The following HIF1AN variants were observed in gnomAD, a reference collection of about 807,000 sequenced individuals.
HIF1AN encodes the protein hypoxia inducible factor 1 subunit alpha inhibitor.
Under a neutral mutation model 47.7 loss-of-function variants are expected in HIF1AN, and 21 were observed. The observed-to-expected ratio is 0.44, with a 90% CI of 0.31 to 0.63. The LOEUF (loss-of-function observed/expected upper bound fraction) is 0.63. Among genes scored for constraint, HIF1AN ranks in the 30% least tolerant of loss-of-function variants. The pLI is 0.07. For synonymous variants in HIF1AN, 152 were observed against 155.9 expected, an observed-to-expected ratio of 0.98 and a Z score of 0.18; for missense variants, 320 against 432.7, an observed-to-expected ratio of 0.74 and a Z score of 2.31.
At position 100,545,110 on chromosome 10, in the gene HIF1AN, G is replaced by A; in HGVS notation, c.723+14G>A. On this transcript the variant is annotated intron_variant, in intron 4 of 7. Transcript: ENST00000299163. The stretch of plus-strand genomic sequence containing the variant: ...AGACAGAGCCAGGTGAGCTTGTGTG[G>A]TCTGAGAAGGGTATAGAACTCTAGA... 3.7e-6 allele frequency: 6 copies of A among 1,613,780 alleles called. No homozygotes were observed. The highest frequency in any genetic ancestry group is 5.1e-6 in the Non-Finnish European group (6 of 1,179,722).
Position 100,536,392 on chromosome 10 carries a change from A to C in HIF1AN, c.178-19A>C, listed in dbSNP as rs768874527. On this transcript the variant is annotated intron_variant, in intron 1 of 7. Transcript: ENST00000299163. Reference sequence around the variant, plus strand: ...GGCATTACTTCATTTGGTGTTTTTCACCTGTTGTTTTCATTTAGGAGCCTG... The same window carrying C: ...GGCATTACTTCATTTGGTGTTTTTCCCCTGTTGTTTTCATTTAGGAGCCTG... The C allele has an allele frequency of 5.6e-6, 9 of 1,611,056 alleles. No individual in the cohort carries two copies. In the East Asian group the frequency reaches 1.6e-4, roughly 28 times the overall value.
In HIF1AN at chr10:100,545,835, T is replaced by G. The variant is rs11817143; in HGVS notation, c.724-108T>G. 2,281 of 631,286 alleles carry G rather than the reference T, an allele frequency of 3.6e-3. 42 individuals are homozygous for G. The African/African-American group carries it at 0.038, about 10-fold the overall frequency. The allele number at this position is 631,286 out of a possible 1,614,324, so 39.1% of individuals were successfully genotyped here. The stretch of plus-strand genomic sequence containing the variant: ...TCCAAATACTTTTTTTAAGGCATCG[T>G]TTTTTTTTTGTTTGTTTGTTTGTTT... On this transcript the variant is annotated intron_variant, in intron 4 of 7. Coordinates refer to ENST00000299163, the MANE Select transcript of HIF1AN (RefSeq NM_017902.3).
chr10:100,541,481 G>A (rs1843028667), intron 3 of HIF1AN, among the ~76,000 whole-genome samples: 1 of 151,986 alleles, frequency 6.6e-6, no homozygotes, highest in Non-Finnish European at 1.5e-5. Context: ...AATGTATGTC[G>A]AGTCTGTTTT....
chr10:100,539,285 C>A (rs952400057), intron 2 of HIF1AN, among the ~76,000 whole-genome samples: 1 of 151,836 alleles, frequency 6.6e-6, no homozygotes, highest in African/African-American at 2.4e-5. Flanking sequence ...ATGCTTCTGT[C>A]TTTTTTTTAG....
At position 100,540,976 on chromosome 10, in the gene HIF1AN, A is replaced by C. The variant is rs548967499; in HGVS notation, c.577+194A>C. Among the ~76,000 whole-genome samples, 55 of 152,336 alleles carry C rather than the reference A, an allele frequency of 3.6e-4. 2 individuals carry two copies. The South Asian group carries it at 0.011, about 32-fold the overall frequency. Reference sequence around the variant, plus strand: ...ACGCCTGTAATCCCAGCAGTTTGGGAGGCCAAGGTGGGTGGATGATGAGGT... The same window carrying C: ...ACGCCTGTAATCCCAGCAGTTTGGGCGGCCAAGGTGGGTGGATGATGAGGT... On this transcript the variant is annotated intron_variant, in intron 3 of 7. Coordinates refer to ENST00000299163, the MANE Select transcript of HIF1AN (RefSeq NM_017902.3).
Position 100,558,440 on chromosome 10 carries a change from AAAAC to A in HIF1AN, c.*10309_*10312del, listed in dbSNP as rs1388731708. Reference sequence around the variant, plus strand: ...GCATAGTGACACCCCATCTCTTGAAAAAACAAACACTCTTAAGAGCAGTGGTTCA... The same window carrying A: ...GCATAGTGACACCCCATCTCTTGAAAAAACACTCTTAAGAGCAGTGGTTCA... On this transcript the variant is annotated 3_prime_UTR_variant, in exon 8 of 8. Transcript: ENST00000299163. 2 of 152,326 alleles carry A rather than the reference AAAAC, an allele frequency of 1.3e-5. No homozygotes were observed. The highest frequency in any genetic ancestry group is 6.5e-5 in the Admixed American group (1 of 15,306). The allele number at this position is 152,326 out of a possible 1,614,324, so 9.4% of individuals were successfully genotyped here. A position where few individuals can be genotyped will look rare whatever the true frequency, so the allele number is the denominator to read the frequency against.
At chr10:100,548,007 G>A in intron 7 of HIF1AN, 86 bp from the exon 8 acceptor site, 1 of 1,215,914 alleles carries the variant, frequency 8.2e-7, no homozygotes. Context: ...TCCTTGGCTG[G>A]ACATCTGATG....
chr10:100,546,719 A>G, intron 6 of HIF1AN, 138 bp downstream of exon 6: 3 of 706,184 alleles, frequency 4.2e-6, no homozygotes, highest in Non-Finnish European at 7.4e-6. Flanking sequence ...TGAAAGGGAC[A>G]GGATTGAATT....
rs1843119917 is a variant in HIF1AN at position 100,548,642 on chromosome 10, C to G, written c.*505C>G. 1 of 154,030 alleles carries G rather than the reference C, an allele frequency of 6.5e-6. No individual in the cohort carries two copies. The highest frequency in any genetic ancestry group is 1.4e-5 in the Non-Finnish European group (1 of 69,008). 9.5% of individuals were successfully genotyped at this position (154,030 alleles called of 1,614,324 possible). A position where few individuals can be genotyped will look rare whatever the true frequency, so the allele number is the denominator to read the frequency against. ...GGCTGCAGGGCCAGAGCTAGTCTGA[C>G]CATTAGGTCAGTCTGCCTCCTGACA... is the stretch of plus-strand genomic sequence containing the variant. On this transcript the variant is annotated 3_prime_UTR_variant, in exon 8 of 8. Transcript: ENST00000299163.
intron 5 of HIF1AN, 35 bp from the exon 6 acceptor site, chr10:100,546,483 C>T: frequency 1.9e-6 from 2 of 1,031,100 alleles, no homozygotes; most frequent in Non-Finnish European, 1.4e-6. Flanking sequence ...CCAAAAGTAT[C>T]AGTAGTAAAC....
In HIF1AN at chr10:100,545,064, C is replaced by T; in HGVS notation, c.691C>T (p.Pro231Ser). ...TCAGTTCGAGTGCCTCTACCCATAC[C>T]CTGTTCATCACCCATGTGACAGACA... ...PDQFECLYPY[P>S]VHHPCDRQSQ... The change falls in exon 4 of 8, where the codon CCT (proline) becomes TCT (serine). Residue 231 changes from proline (P) to serine (S), a missense_variant. Physicochemically the swap from Pro to Ser is moderately conservative, Grantham distance 74 (BLOSUM62 -1). This residue lies in a region of HIF1AN where 161 missense variants were observed against 272.8 expected (regional missense o/e 0.59). Transcript: ENST00000299163. 1 of 1,614,194 alleles carries T rather than the reference C, an allele frequency of 6.2e-7. No homozygotes were observed. The highest frequency in any genetic ancestry group is 2.2e-5 in the East Asian group (1 of 44,882).
In HIF1AN at chr10:100,552,251, A is replaced by G. The variant is rs1843168999; in HGVS notation, c.*4114A>G. 6.6e-6 allele frequency: 1 copy of G among 152,254 alleles called. No homozygotes were observed. The highest frequency in any genetic ancestry group is 1.5e-5 in the Non-Finnish European group (1 of 68,062). 9.4% of individuals were successfully genotyped at this position (152,254 alleles called of 1,614,324 possible). On this transcript the variant is annotated 3_prime_UTR_variant, in exon 8 of 8. Coordinates refer to ENST00000299163, the MANE Select transcript of HIF1AN (RefSeq NM_017902.3). ...CCTTAGAGGATCCAAGGATGAAGGAATGCGGGTTGGTGGTTCTCTCTTTCA... is the reference window on the plus strand; with the variant it reads ...CCTTAGAGGATCCAAGGATGAAGGAGTGCGGGTTGGTGGTTCTCTCTTTCA...
At position 100,548,125 on chromosome 10, in the gene HIF1AN, C is replaced by T; in HGVS notation, c.1038C>T (p.Gly346=). ...VGPLLNTMIK[G]RYN ...CCTTGTTGAACACAATGATCAAGGG[C>T]CGATACAACTAGCCTGCCAGGGGTC... The change falls in exon 8 of 8, where the codon GGC becomes GGT. Residue 346 remains glycine (G), a synonymous_variant. Coordinates refer to ENST00000299163, the MANE Select transcript of HIF1AN (RefSeq NM_017902.3). 1.2e-6 allele frequency: 2 copies of T among 1,611,392 alleles called. No individual in the cohort carries two copies. Among genetic ancestry groups the T allele is most frequent in the Non-Finnish European group, 1.7e-6 (2 of 1,178,598 alleles).
chr10:100,547,356 C>T, intron 7 of HIF1AN, 106 bp downstream of exon 7: 1 of 716,070 alleles, frequency 1.4e-6, no homozygotes, highest in Non-Finnish European at 2.5e-6. Flanking sequence ...GGTGTCCTCT[C>T]TCTCCATAGA....
chr10:100,543,356 A>ATT (rs1314575671), intron 3 of HIF1AN, among the ~76,000 whole-genome samples: 7 of 152,018 alleles, frequency 4.6e-5, no homozygotes, highest in Non-Finnish European at 8.8e-5. Context: ...TGCTTGGCTA[A>ATT]TTTTTAAAGT....
At position 100,549,556 on chromosome 10, in the gene HIF1AN, C is replaced by G. The variant is rs560006200; in HGVS notation, c.*1419C>G. On this transcript the variant is annotated 3_prime_UTR_variant, in exon 8 of 8. Coordinates refer to ENST00000299163, the MANE Select transcript of HIF1AN (RefSeq NM_017902.3). ...TCTGTTAGGAGCTACTCCTGGGAAC[C>G]CCTCTCAGGGCTGCAGCTTACAGGT... 37 of 152,320 alleles carry G rather than the reference C, an allele frequency of 2.4e-4. No homozygotes were observed. Among genetic ancestry groups the G allele is most frequent in the African/African-American group, 8.9e-4 (37 of 41,550 alleles). The allele number at this position is 152,320 out of a possible 1,614,324, so 9.4% of individuals were successfully genotyped here. A position where few individuals can be genotyped will look rare whatever the true frequency, so the allele number is the denominator to read the frequency against.
At chr10:100,545,344 T>C in intron 4 of HIF1AN, 1 of 441,430 alleles carries the variant, frequency 2.3e-6, no homozygotes, top group Non-Finnish European at 4.0e-6. Context: ...TCATTGATGC[T>C]GATGGACTCT....
chr10:100,540,727 G>A lies in HIF1AN; in HGVS notation c.522G>A (p.Gln174=). The part of the protein sequence containing the change: ...GFNWNWINKQ[Q]GKRGWGQLTS... The stretch of plus-strand genomic sequence containing the variant: ...ACTGGAACTGGATTAATAAGCAACA[G>A]GGAAAGCGTGGCTGGGGGCAGCTTA... Residue 174 remains glutamine, a synonymous_variant, in exon 3 of 8, where the codon CAG becomes CAA. Transcript: ENST00000299163. 2 of 1,613,788 alleles carry A rather than the reference G, an allele frequency of 1.2e-6. No homozygotes were observed. Among genetic ancestry groups the A allele is most frequent in the Non-Finnish European group, 1.7e-6 (2 of 1,179,868 alleles).
intron 3 of HIF1AN, among the ~76,000 whole-genome samples, chr10:100,542,050 C>T (rs975153115): frequency 6.6e-6 from 1 of 150,722 alleles, no homozygotes; most frequent in Admixed American, 6.6e-5. Flanking sequence ...AGTACGGTAT[C>T]AGATACTGCA....
Sources: allele counts gnomAD v4.1 joint callset (sites outside exome capture counted in the v4.1 genomes callset), GRCh38; gene constraint gnomAD v4.1.1; regional missense constraint gnomAD v4.1.1; transcripts MANE v1.5; gene names NCBI Gene and HGNC (gene_info 2026-07-23, HGNC 2026-07-21).